Variants in GNAL observed in about 807,000 individuals in gnomAD.
GNAL encodes the protein G protein subunit alpha L, also known as guanine nucleotide-binding protein G(olf) subunit alpha.
A neutral mutation model predicts 55.1 loss-of-function variants in GNAL; 18 were observed. That is an observed-to-expected ratio of 0.33 (90% CI 0.23 to 0.48). The LOEUF (loss-of-function observed/expected upper bound fraction) is 0.48, where lower values mean the gene tolerates loss of function less well. Ranked by LOEUF, GNAL falls within the 20% of genes least tolerant of loss-of-function variation. GNAL has a pLI of 0.99. For synonymous variants in GNAL, 253 were observed against 237.0 expected, an observed-to-expected ratio of 1.07 and a Z score of -0.62; for missense variants, 412 against 614.1, an observed-to-expected ratio of 0.67 and a Z score of 3.48.
At chr18:11,865,294 C>T (rs759988201) in intron 7 of GNAL, among the ~76,000 whole-genome samples, 17 of 149,560 alleles carry the variant, frequency 1.1e-4, no homozygotes, top group Non-Finnish European at 1.6e-4. Context: ...TGACCAGCCC[C>T]GTCCCCAGGC....
At chr18:11,852,227 T>C (rs1276894727) in intron 5 of GNAL, 12 of 1,321,494 alleles carry the variant, frequency 9.1e-6, no homozygotes, top group African/African-American at 1.5e-5. Flanking sequence ...TGAAATGCCC[T>C]TCTACCTTTG....
chr18:11,855,802 G>A (rs1416368148), intron 5 of GNAL, among the ~76,000 whole-genome samples: 8 of 151,998 alleles, frequency 5.3e-5, no homozygotes, highest in African/African-American at 1.7e-4. Context: ...AAGAAACCCC[G>A]TCTCTACTAA....
At chr18:11,864,437 A>G in intron 6 of GNAL, 96 bp from the exon 7 acceptor site, 2 of 761,036 alleles carry the variant, frequency 2.6e-6, no homozygotes, top group East Asian at 2.5e-5. Flanking sequence ...GGAACAAATT[A>G]TTTGAAAAAT....
At chr18:11,738,583 G>T (rs887798089) in intron 1 of GNAL, among the ~76,000 whole-genome samples, 27 of 151,952 alleles carry the variant, frequency 1.8e-4, no homozygotes, top group Non-Finnish European at 1.2e-4. Flanking sequence ...GAGTAGCTGG[G>T]ATTACAGGCG....
At chr18:11,780,594 A>G (rs2143349290) in intron 4 of GNAL, among the ~76,000 whole-genome samples, 1 of 152,296 alleles carries the variant, frequency 6.6e-6, no homozygotes, top group African/African-American at 2.4e-5. Context: ...AGTGTGGTAC[A>G]ATGGACTGAA....
At chr18:11,873,186 C>T (rs577340969) in intron 10 of GNAL, among the ~76,000 whole-genome samples, 77 of 152,244 alleles carry the variant, frequency 5.1e-4, no homozygotes, top group Admixed American at 2.3e-3. Flanking sequence ...AACTAGAAAA[C>T]GCAGAATAAA....
At chr18:11,788,910 AAAAAATATATAT>A (rs1439472558) in intron 4 of GNAL, among the ~76,000 whole-genome samples, 2 of 73,358 alleles carry the variant, frequency 2.7e-5, no homozygotes, top group East Asian at 4.7e-4. Flanking sequence ...AAAAAAAAAA[AAAAAATATATAT>A]ATATATATAT....
At chr18:11,843,111 C>A (rs1459423454) in intron 5 of GNAL, among the ~76,000 whole-genome samples, 1 of 151,956 alleles carries the variant, frequency 6.6e-6, no homozygotes, top group Non-Finnish European at 1.5e-5. Flanking sequence ...GTGAAAAGAT[C>A]CCTTGAGCCC....
At chr18:11,789,800 G>A (rs1598460339) in intron 4 of GNAL, among the ~76,000 whole-genome samples, 2 of 152,216 alleles carry the variant, frequency 1.3e-5, no homozygotes, top group South Asian at 2.1e-4. Context: ...GAGGAAGGAC[G>A]TGAAAAGCTT....
At position 11,885,559 on chromosome 18, in the gene GNAL, A is replaced by G. The variant is rs1598473396; in HGVS notation, c.*4424A>G. The G allele has an allele frequency of 7.8e-7, 1 of 1,276,544 alleles. No individual in the cohort carries two copies. The allele number at this position is 1,276,544 out of a possible 1,614,324, so 79.1% of individuals were successfully genotyped here. On this transcript the variant is annotated 3_prime_UTR_variant, in exon 12 of 12. Transcript: ENST00000334049. Reference sequence around the variant, plus strand: ...TGTATGGAGCTACGTGTAGAAGGAGAGAAATTTGTGTGTGGCTTTTGTAAA... The same window carrying G: ...TGTATGGAGCTACGTGTAGAAGGAGGGAAATTTGTGTGTGGCTTTTGTAAA...
intron 4 of GNAL, among the ~76,000 whole-genome samples, chr18:11,801,360 C>T (rs2034517289): frequency 1.3e-5 from 2 of 152,042 alleles, no homozygotes; most frequent in East Asian, 1.9e-4. Flanking sequence ...AGACCAGCCT[C>T]GCCAGCATGG....
At chr18:11,834,469 C>T (rs1453066694) in intron 5 of GNAL, among the ~76,000 whole-genome samples, 1 of 152,220 alleles carries the variant, frequency 6.6e-6, no homozygotes, top group East Asian at 1.9e-4. Context: ...CCTGTAATTC[C>T]AGCACTTTGG....
intron 5 of GNAL, chr18:11,857,431 C>T (rs1025647994): frequency 1.4e-4 from 129 of 950,456 alleles, no homozygotes; most frequent in Non-Finnish European, 1.6e-4. Context: ...GGAGGGTTCA[C>T]GTGATGTTAA....
intron 4 of GNAL, among the ~76,000 whole-genome samples, chr18:11,812,024 G>A (rs1159497297): frequency 6.6e-6 from 1 of 152,176 alleles, no homozygotes; most frequent in Non-Finnish European, 1.5e-5. Flanking sequence ...TGCTGCAAGT[G>A]CACAGCTTTC....
chr18:11,851,432 C>G (rs1202172653), intron 5 of GNAL: 4 of 1,434,072 alleles, frequency 2.8e-6, no homozygotes, highest in East Asian at 5.0e-5. Context: ...GGAGCGGCGG[C>G]CGGGAGCGGA....
At chr18:11,719,606 T>C (rs977159521) in intron 1 of GNAL, among the ~76,000 whole-genome samples, 1 of 152,348 alleles carries the variant, frequency 6.6e-6, no homozygotes, top group African/African-American at 2.4e-5. Flanking sequence ...AATCTGTTGA[T>C]ACTAAATTGC....
chr18:11,731,894 T>A (rs1303617039), intron 1 of GNAL, among the ~76,000 whole-genome samples: 2 of 152,250 alleles, frequency 1.3e-5, no homozygotes, highest in African/African-American at 4.8e-5. Flanking sequence ...CTATTTTCTC[T>A]CTTTGCAGAT....
At chr18:11,870,446 G>A (rs552550300) in intron 9 of GNAL, among the ~76,000 whole-genome samples, 20 of 152,206 alleles carry the variant, frequency 1.3e-4, no homozygotes, top group Non-Finnish European at 2.2e-4. Flanking sequence ...GCTTGAACCC[G>A]GGAGGTGGAG....
intron 1 of GNAL, among the ~76,000 whole-genome samples, chr18:11,738,687 G>T (rs1306596703): frequency 2.0e-5 from 3 of 152,136 alleles, no homozygotes; most frequent in African/African-American, 7.2e-5. Context: ...GGCCTCAAGT[G>T]ATCCGCCTGC....
Sources: gnomAD v4.1 joint callset for allele counts (sites outside exome capture counted in the v4.1 genomes callset) on GRCh38, gnomAD v4.1.1 for gene constraint, MANE v1.5 for transcripts, NCBI Gene and HGNC (gene_info 2026-07-23, HGNC 2026-07-21) for gene names.